Variants in GSR observed in about 807,000 individuals in gnomAD.
GSR encodes the protein glutathione-disulfide reductase.
In GSR, 48 loss-of-function variants were observed where a neutral mutation model predicts 56.5. The ratio of observed to expected loss-of-function variants is 0.85; its 90% CI spans 0.67 to 1.08. GSR has a LOEUF of 1.08. Ranked by LOEUF, GSR falls within the 50% of genes least tolerant of loss-of-function variation. GSR has a pLI of 0.00. For synonymous variants in GSR, 264 were observed against 270.8 expected (o/e 0.97, Z 0.25); for missense variants, 694 against 703.3 (o/e 0.99, Z 0.15).
rs1803809585 is a variant in GSR at position 30,703,250 on chromosome 8, G to C, written c.493-10C>G. The C allele has an allele frequency of 6.2e-7, 1 of 1,612,682 alleles. No individual in the cohort carries two copies. Among genetic ancestry groups the C allele is most frequent in the Non-Finnish European group, 8.5e-7 (1 of 1,178,688 alleles). On this transcript the variant is annotated splice_polypyrimidine_tract_variant and intron_variant, in intron 4 of 12. Transcript: ENST00000221130. ...TGATTTCTATATGGGACTAAAGAAG[G>C]AACCATGACATTAGCCTGTTCTTAG...
chr8:30,702,753 A>C (rs1317948610), intron 5 of GSR, among the ~76,000 whole-genome samples: 1 of 152,210 alleles, frequency 6.6e-6, no homozygotes, highest in Admixed American at 6.6e-5. Flanking sequence ...CCTGGCCAAT[A>C]TGATGAAACC....
At chr8:30,721,051 G>A (rs1010649231) in intron 1 of GSR, among the ~76,000 whole-genome samples, 8 of 152,150 alleles carry the variant, frequency 5.3e-5, no homozygotes, top group African/African-American at 9.7e-5. Context: ...AGCCATGATC[G>A]TGCCACTGCA....
At position 30,684,142 on chromosome 8, in the gene GSR, C is replaced by T. The variant is rs778430735; in HGVS notation, c.1099G>A (p.Val367Ile). The change falls in exon 10 of 13, where the codon GTC becomes ATC. Residue 367 changes from valine (V) to isoleucine (I), a missense_variant. Physicochemically the swap from Val to Ile is conservative, Grantham distance 29. Coordinates refer to ENST00000221130, the MANE Select transcript of GSR (RefSeq NM_000637.5). ...IIVDEFQNTN[V>I]KGIYAVGDVC... The stretch of plus-strand genomic sequence containing the variant: ...TCCCCAACTGCATAGATGCCTTTGA[C>T]GTTGGTATTCTGGAATTCGTCTACG... 10 of 1,610,092 alleles carry T rather than the reference C, an allele frequency of 6.2e-6. No homozygotes were observed. In the African/African-American group the frequency reaches 9.4e-5, roughly 15 times the overall value.
At position 30,679,287 on chromosome 8, in the gene GSR, C is replaced by T. The variant is rs1802856841; in HGVS notation, c.*233G>A. The T allele has an allele frequency of 2.1e-6, 1 of 470,396 alleles. No homozygotes were observed. The highest frequency in any genetic ancestry group is 3.8e-6 in the Non-Finnish European group (1 of 263,526). The allele number at this position is 470,396 out of a possible 1,614,324, so 29.1% of individuals were successfully genotyped here. On this transcript the variant is annotated 3_prime_UTR_variant, in exon 13 of 13. Coordinates refer to ENST00000221130, the MANE Select transcript of GSR (RefSeq NM_000637.5). Reference sequence around the variant, plus strand: ...CACAGAGCTGTTAATAAAAAAAAAACTTGAAAATATTAATTACTGTGAGAT... The same window carrying T: ...CACAGAGCTGTTAATAAAAAAAAAATTTGAAAATATTAATTACTGTGAGAT...
At chr8:30,723,602 C>G (rs1804623757) in intron 1 of GSR, among the ~76,000 whole-genome samples, 1 of 152,044 alleles carries the variant, frequency 6.6e-6, no homozygotes, top group Admixed American at 6.6e-5. Context: ...ATCAGCCTGG[C>G]CAACATGGTG....
chr8:30,681,139 C>T (rs922347252), intron 11 of GSR, 102 bp from the exon 12 acceptor site: 19 of 959,488 alleles, frequency 2.0e-5, no homozygotes, highest in Admixed American at 5.2e-5. Context: ...AATCAAACCA[C>T]GAGGAAATAT....
At chr8:30,711,732 C>G (rs1184474476) in intron 2 of GSR, among the ~76,000 whole-genome samples, 2 of 152,134 alleles carry the variant, frequency 1.3e-5, no homozygotes, top group Non-Finnish European at 2.9e-5. Context: ...ACTTGGGAGG[C>G]TGAGGCAAGA....
rs547421085 is a variant in GSR, at chr8:30,685,009, G to A, written c.1042-810C>T. 8.7e-4 allele frequency among the ~76,000 whole-genome samples: 130 copies of A among 149,946 alleles called. 1 individual carries two copies. The South Asian group carries it at 0.011, about 12-fold the overall frequency. On this transcript the variant is annotated intron_variant, in intron 9 of 12. Transcript: ENST00000221130. ...TATTGAGATGGAGTCTCGCTCTGTC[G>A]CCCAGGCTGGCGCGATCTAGGCTCT...
intron 10 of GSR, among the ~76,000 whole-genome samples, chr8:30,683,271 G>T (rs1278930909): frequency 6.6e-6 from 1 of 152,142 alleles, no homozygotes; most frequent in Non-Finnish European, 1.5e-5. Flanking sequence ...CTTTCTAAAG[G>T]AGCTAAAAGG....
At chr8:30,712,695 A>G (rs986714413) in intron 1 of GSR, among the ~76,000 whole-genome samples, 4 of 152,142 alleles carry the variant, frequency 2.6e-5, no homozygotes, top group African/African-American at 7.2e-5. Context: ...AGAAACACAC[A>G]CACAAAGAAA....
Position 30,679,662 on chromosome 8 carries a change from C to A in GSR, c.1427G>T (p.Gly476Val). 2 of 1,613,514 alleles carry A rather than the reference C, an allele frequency of 1.2e-6. No individual in the cohort carries two copies. Among genetic ancestry groups the A allele is most frequent in the Non-Finnish European group, 1.7e-6 (2 of 1,179,656 alleles). ...VCANKEEKVV[G>V]IHMQGLGCDE... ...ACACCCAAGTCCCTGCATATGGATC[C>A]CAACCACCTGGGAAAAGAAGAGAAA... Residue 476 changes from glycine to valine, a missense_variant, in exon 13 of 13, where the codon GGG becomes GTG. Coordinates refer to ENST00000221130, the MANE Select transcript of GSR (RefSeq NM_000637.5).
chr8:30,690,341 A>G (rs1803340634), intron 8 of GSR, among the ~76,000 whole-genome samples: 1 of 151,578 alleles, frequency 6.6e-6, no homozygotes, highest in Non-Finnish European at 1.5e-5. Flanking sequence ...TAAATTTTTC[A>G]TAGAGATGGC....
Position 30,681,996 on chromosome 8 carries a change from C to T in GSR, c.1219G>A (p.Asp407Asn). The change falls in exon 11 of 13, where the codon GAT becomes AAT. Residue 407 changes from aspartate to asparagine, a missense_variant. Physicochemically the swap from Asp to Asn is conservative, Grantham distance 23. Coordinates refer to ENST00000221130, the MANE Select transcript of GSR (RefSeq NM_000637.5). ...LFEYKEDSKL[D>N]YNNIPTVVFS... Reference sequence around the variant, plus strand: ...ACCACAGTTGGGATGTTGTTATAATCTAATTTGGAATCTTCCTTATATTCA... The same window carrying T: ...ACCACAGTTGGGATGTTGTTATAATTTAATTTGGAATCTTCCTTATATTCA... 6.2e-7 allele frequency: 1 copy of T among 1,613,356 alleles called. No individual in the cohort carries two copies. Among genetic ancestry groups the T allele is most frequent in the East Asian group, 2.2e-5 (1 of 44,880 alleles).
At chr8:30,711,656 AC>A (rs1299173648) in intron 2 of GSR, among the ~76,000 whole-genome samples, 1 of 151,848 alleles carries the variant, frequency 6.6e-6, no homozygotes, top group Non-Finnish European at 1.5e-5. Flanking sequence ...ACACGGTGAA[AC>A]CCCCATCTCT....
intron 4 of GSR, among the ~76,000 whole-genome samples, chr8:30,703,807 G>C (rs966058840): frequency 6.6e-6 from 1 of 150,544 alleles, no homozygotes; most frequent in Non-Finnish European, 1.5e-5. Context: ...GGAGGAGGAG[G>C]AGAAGAGGGA....
intron 6 of GSR, among the ~76,000 whole-genome samples, chr8:30,696,762 C>T (rs1803557455): frequency 6.6e-6 from 1 of 152,096 alleles, no homozygotes; most frequent in African/African-American, 2.4e-5. Flanking sequence ...GTGGTGTGAA[C>T]ACGGCTCACT....
chr8:30,704,440 G>A (rs1341359138), intron 4 of GSR, among the ~76,000 whole-genome samples: 6 of 152,146 alleles, frequency 3.9e-5, no homozygotes, highest in African/African-American at 1.4e-4. Flanking sequence ...GGAGGGAAAC[G>A]CAATGCTTGT....
Position 30,680,582 on chromosome 8 carries a change from A to T in GSR, c.1419+322T>A, listed in dbSNP as rs189983894. Reference sequence around the variant, plus strand: ...GCTAATTTTTGTGTTTTTAGTAGAGACAGGGTTTCACCACGTTGGTCAGGC... The same window carrying T: ...GCTAATTTTTGTGTTTTTAGTAGAGTCAGGGTTTCACCACGTTGGTCAGGC... On this transcript the variant is annotated intron_variant, in intron 12 of 12. Coordinates refer to ENST00000221130, the MANE Select transcript of GSR (RefSeq NM_000637.5). Among the ~76,000 whole-genome samples, 8 of 151,656 alleles carry T rather than the reference A, an allele frequency of 5.3e-5. No homozygotes were observed. In the East Asian group the frequency reaches 1.6e-3, roughly 29 times the overall value.
At chr8:30,703,030 T>C in intron 5 of GSR, 63 bp downstream of exon 5, 1 of 1,551,204 alleles carries the variant, frequency 6.4e-7, no homozygotes, top group South Asian at 1.1e-5. Context: ...GGCATGGCTT[T>C]TCAGGTTGAA....
Sources: allele counts gnomAD v4.1 joint callset (sites outside exome capture counted in the v4.1 genomes callset), GRCh38; gene constraint gnomAD v4.1.1; transcripts MANE v1.5; gene names NCBI Gene and HGNC (gene_info 2026-07-23, HGNC 2026-07-21).